SCAMP4: variants seen among roughly 807,000 people sequenced by gnomAD.
SCAMP4 encodes the protein secretory carrier-associated membrane protein 4.
SCAMP4 carries 19 observed loss-of-function variants against 32.1 expected under a neutral mutation model. The observed-to-expected ratio is 0.59, with a 90% CI of 0.41 to 0.87. The LOEUF (loss-of-function observed/expected upper bound fraction) is 0.87, where lower values mean the gene tolerates loss of function less well. Ranked by LOEUF, SCAMP4 falls within the 40% of genes least tolerant of loss-of-function variation. The pLI is 0.00. For synonymous variants in SCAMP4, 152 were observed against 132.7 expected (o/e 1.15, Z -1.00); for missense variants, 302 against 309.0 (o/e 0.98, Z 0.17).
chr19:1,910,925 G>A (rs2013410232), intron 1 of SCAMP4, among the ~76,000 whole-genome samples: 4 of 151,742 alleles, frequency 2.6e-5, no homozygotes, highest in Admixed American at 2.6e-4. Context: ...GGAGTGCAGT[G>A]GCGCGATCTC....
chr19:1,920,599 C>A lies in SCAMP4; in HGVS notation c.395+1609C>A, dbSNP rs112278414. 4.8e-3 allele frequency: 4,683 copies of A among 985,436 alleles called. 185 individuals carry two copies. In the African/African-American group the frequency reaches 0.077, roughly 16 times the overall value. The allele number at this position is 985,436 out of a possible 1,614,324, so 61.0% of individuals were successfully genotyped here. On this transcript the variant is annotated intron_variant, in intron 5 of 6. Transcript: ENST00000316097. ...AGTTAGAGTCATAGTGAGCGTGTGC[C>A]TGGGACTCCCAGCTCTGCCAGCCTT...
chr19:1,912,448 G>A (rs777917952), intron 1 of SCAMP4: 1 of 1,506,540 alleles, frequency 6.6e-7, no homozygotes, highest in Non-Finnish European at 8.8e-7. Context: ...GTGGACCCCC[G>A]CGGCCTGGGG....
intron 1 of SCAMP4, among the ~76,000 whole-genome samples, chr19:1,911,614 C>G (rs182956063): frequency 7.4e-4 from 112 of 152,242 alleles, no homozygotes; most frequent in African/African-American, 2.4e-3. Flanking sequence ...AATCCCATCT[C>G]TACTAAAAAT....
At chr19:1,912,433 C>T (rs1340991377) in intron 1 of SCAMP4, 7 of 1,510,314 alleles carry the variant, frequency 4.6e-6, no homozygotes, top group Non-Finnish European at 6.2e-6. Flanking sequence ...CTGCCACGGC[C>T]GGCTGTGGAC....
rs752782076 is a variant in SCAMP4, at chr19:1,918,910, C to T, written c.315C>T (p.Phe105=). 5.0e-6 allele frequency: 8 copies of T among 1,611,186 alleles called. No individual in the cohort carries two copies. The African/African-American group carries it at 8.0e-5, about 16-fold the overall frequency. ...KAFRADSSFN[F]MAFFFIFGAQ... ...CCAGAGCCGACAGCTCCTTTAATTT[C>T]ATGGCGTTTTTCTTCATCTTCGGAG... is the stretch of plus-strand genomic sequence containing the variant. The change falls in exon 5 of 7, where the codon TTC becomes TTT. Residue 105 remains phenylalanine (F), a synonymous_variant. Coordinates refer to ENST00000316097, the MANE Select transcript of SCAMP4 (RefSeq NM_079834.4).
rs567407122 is a variant in SCAMP4, at chr19:1,914,832, C to G, written c.-41-147C>G. 4.6e-6 allele frequency: 3 copies of G among 658,002 alleles called. No homozygotes were observed. The East Asian group carries it at 8.2e-5, about 18-fold the overall frequency. 40.8% of individuals were successfully genotyped at this position (658,002 alleles called of 1,614,324 possible). ...GGACCTGTGGGGTAACACATTGGGTCGAGTCAGGCCTGTGGCTCCCGCTTA... is the reference window on the plus strand; with the variant it reads ...GGACCTGTGGGGTAACACATTGGGTGGAGTCAGGCCTGTGGCTCCCGCTTA... On this transcript the variant is annotated intron_variant, in intron 1 of 6. Coordinates refer to ENST00000316097, the MANE Select transcript of SCAMP4 (RefSeq NM_079834.4).
chr19:1,920,348 G>T (rs2013879338), intron 5 of SCAMP4: 1 of 953,408 alleles, frequency 1.0e-6, no homozygotes, highest in Admixed American at 6.2e-5. Context: ...TCTCACGCCA[G>T]TGCACAGATC....
chr19:1,917,216 G>C (rs1279490698), intron 2 of SCAMP4, among the ~76,000 whole-genome samples: 1 of 152,194 alleles, frequency 6.6e-6, no homozygotes, highest in Non-Finnish European at 1.5e-5. Flanking sequence ...TGAGGCAGAA[G>C]AATCACTTGA....
In SCAMP4 at chr19:1,924,215, C is replaced by A. The variant is rs1420034700; in HGVS notation, c.621C>A (p.Asn207Lys). The A allele has an allele frequency of 6.2e-7, 1 of 1,608,850 alleles. No homozygotes were observed. ...CGTCGAGGGAGGCCCAGTACAACAA[C>A]TTCTCAGGCAACAGCCTGCCCGAGT... ...NPPSREAQYN[N>K]FSGNSLPEYP... The change falls in exon 7 of 7, where the codon AAC becomes AAA. Residue 207 changes from asparagine to lysine, a missense_variant. Coordinates refer to ENST00000316097, the MANE Select transcript of SCAMP4 (RefSeq NM_079834.4).
chr19:1,907,391 TAAA>T (rs111426560), intron 1 of SCAMP4, among the ~76,000 whole-genome samples: 3 of 137,330 alleles, frequency 2.2e-5, no homozygotes, highest in Non-Finnish European at 1.6e-5. Flanking sequence ...AGCCCTGCCT[TAAA>T]AAAAAAAAAA....
At position 1,915,817 on chromosome 19, in the gene SCAMP4, G is replaced by A. The variant is rs553400413; in HGVS notation, c.7+791G>A. Among the ~76,000 whole-genome samples the A allele has an allele frequency of 2.0e-5, 3 of 152,098 alleles. No homozygotes were observed. The South Asian group carries it at 6.2e-4, about 32-fold the overall frequency. ...AAAAATTAGCTGGGCGTGGTGGCGG[G>A]TGCCTGTAGTCCCAGCTACTCGAGA... On this transcript the variant is annotated intron_variant, in intron 2 of 6. Coordinates refer to ENST00000316097, the MANE Select transcript of SCAMP4 (RefSeq NM_079834.4).
At position 1,918,182 on chromosome 19, in the gene SCAMP4, C is replaced by T. The variant is rs116594971; in HGVS notation, c.192C>T (p.Gly64=). The T allele has an allele frequency of 4.1e-3, 6,555 of 1,612,802 alleles. 233 individuals are homozygous for T. The African/African-American group carries it at 0.076, about 19-fold the overall frequency. The part of the protein sequence containing the change: ...NLIACLAWWI[G]GGSGTNFGLA... ...TTGCCTGCCTGGCCTGGTGGATCGG[C>T]GGAGGCTCGGGGACCAACTTCGGCC... Residue 64 remains glycine (G), a synonymous_variant, in exon 4 of 7, where the codon GGC becomes GGT. Transcript: ENST00000316097.
intron 1 of SCAMP4, among the ~76,000 whole-genome samples, chr19:1,909,992 C>T (rs55928276): frequency 0.015 from 2,336 of 152,324 alleles, 57 homozygotes; most frequent in African/African-American, 0.054. Flanking sequence ...GTGGGTGTTC[C>T]GTGTCAGTGC....
intron 5 of SCAMP4, chr19:1,919,247 C>G: frequency 7.5e-7 from 1 of 1,341,330 alleles, no homozygotes; most frequent in Non-Finnish European, 9.6e-7. Context: ...GTGCCTGCGT[C>G]CTCGCCAGCG....
Position 1,918,932 on chromosome 19 carries a change from G to A in SCAMP4, c.337G>A (p.Gly113Arg), listed in dbSNP as rs1168002060. The change falls in exon 5 of 7, where the codon GGA (glycine) becomes AGA (arginine). Residue 113 changes from glycine to arginine, a missense_variant. Coordinates refer to ENST00000316097, the MANE Select transcript of SCAMP4 (RefSeq NM_079834.4). ...FNFMAFFFIFGAQFVLTVIQA... is the reference protein window; with the variant it reads ...FNFMAFFFIFRAQFVLTVIQA... ...TTTCATGGCGTTTTTCTTCATCTTC[G>A]GAGCCCAGTTTGTCCTGACCGTCAT... The A allele has an allele frequency of 3.1e-6, 5 of 1,612,410 alleles. No homozygotes were observed. The highest frequency in any genetic ancestry group is 4.2e-6 in the Non-Finnish European group (5 of 1,179,276).
chr19:1,919,075 G>A (rs993787728), intron 5 of SCAMP4, 85 bp downstream of exon 5: 53 of 1,549,678 alleles, frequency 3.4e-5, no homozygotes, highest in African/African-American at 2.6e-4. Context: ...GGCGGCCACC[G>A]GAGCGTGCTG....
chr19:1,917,575 C>T, intron 2 of SCAMP4, 119 bp from the exon 3 acceptor site: 1 of 1,123,354 alleles, frequency 8.9e-7, no homozygotes, highest in Non-Finnish European at 1.3e-6. Context: ...TGCCCTCAAT[C>T]CCAACTGCAG....
At chr19:1,920,701 C>T (rs940718059) in intron 5 of SCAMP4, 3 of 985,558 alleles carry the variant, frequency 3.0e-6, no homozygotes, top group East Asian at 1.1e-4. Flanking sequence ...TCCTCCTGAG[C>T]TCCCAGCTGC....
intron 2 of SCAMP4, chr19:1,915,544 T>C (rs1249777098): frequency 1.8e-5 from 3 of 170,200 alleles, no homozygotes; most frequent in Non-Finnish European, 3.9e-5. Context: ...CCCTGGAACC[T>C]GTGAGTGGGA....
Sources: allele counts gnomAD v4.1 joint callset (sites outside exome capture counted in the v4.1 genomes callset), GRCh38; gene constraint gnomAD v4.1.1; transcripts MANE v1.5; gene names NCBI Gene and HGNC (gene_info 2026-07-23, HGNC 2026-07-21).